The following UBL3 variants were observed in gnomAD, a reference collection of about 807,000 sequenced individuals.
UBL3 encodes ubiquitin like 3.
In UBL3, 6 loss-of-function variants were observed where a neutral mutation model predicts 18.4. That is an observed-to-expected ratio of 0.33 (90% CI 0.18 to 0.64). The LOEUF (loss-of-function observed/expected upper bound fraction) is 0.64, where lower values mean the gene tolerates loss of function less well. Among genes scored for constraint, UBL3 ranks in the 30% least tolerant of loss-of-function variants. The probability of loss-of-function intolerance (pLI) is 0.76; values close to 1 mark genes in which losing one functional copy is unlikely to be tolerated. For missense variants in UBL3, 109 were observed against 142.9 expected, an observed-to-expected ratio of 0.76 and a Z score of 1.21; for synonymous variants, 49 against 46.6, an observed-to-expected ratio of 1.05 and a Z score of -0.21.
intron 1 of UBL3, among the ~76,000 whole-genome samples, chr13:29,819,546 T>C (rs1878371710): frequency 6.6e-6 from 1 of 152,200 alleles, no homozygotes; most frequent in African/African-American, 2.4e-5. Flanking sequence ...TTTAATACAA[T>C]AAAGCAGTTA....
intron 1 of UBL3, among the ~76,000 whole-genome samples, chr13:29,817,352 T>C (rs1878308050): frequency 6.6e-6 from 1 of 152,204 alleles, no homozygotes; most frequent in African/African-American, 2.4e-5. Context: ...ATCTGATGGA[T>C]AAATGGGCAG....
At chr13:29,789,938 T>C (rs144345542) in intron 1 of UBL3, among the ~76,000 whole-genome samples, 4 of 152,344 alleles carry the variant, frequency 2.6e-5, no homozygotes, top group East Asian at 1.9e-4. Context: ...TACCCAGAGA[T>C]GGTCTTTAAT....
At chr13:29,848,314 A>G (rs278038) in intron 1 of UBL3, among the ~76,000 whole-genome samples, 127,316 of 140,780 alleles carry the variant, frequency 0.9, 57,722 homozygotes, top group East Asian at 0.97. Flanking sequence ...AAAATTAGCC[A>G]GGTGTGGTGG....
chr13:29,837,915 CAAT>C (rs373812724), intron 1 of UBL3, among the ~76,000 whole-genome samples: 46 of 141,486 alleles, frequency 3.3e-4, no homozygotes, highest in Non-Finnish European at 4.0e-4. Context: ...GACTCTGTCT[CAAT>C]AATAATAATA....
intron 1 of UBL3, 145 bp downstream of exon 1, chr13:29,849,367 C>A: frequency 9.5e-7 from 1 of 1,047,650 alleles, no homozygotes; most frequent in Middle Eastern, 2.1e-4. Flanking sequence ...AGGGGGAAAC[C>A]AGAAGCTCCA....
chr13:29,803,359 TA>T (rs763084481), intron 1 of UBL3, among the ~76,000 whole-genome samples: 3 of 151,922 alleles, frequency 2.0e-5, no homozygotes, highest in Non-Finnish European at 4.4e-5. Context: ...ACTGACACTA[TA>T]AAAGAATGAT....
intron 1 of UBL3, among the ~76,000 whole-genome samples, chr13:29,802,916 C>A (rs986600402): frequency 2.6e-5 from 4 of 152,158 alleles, no homozygotes; most frequent in Non-Finnish European, 5.9e-5. Context: ...CCCAACTTCA[C>A]TAAAGAGGCC....
chr13:29,789,343 T>C (rs1364198733), intron 1 of UBL3, among the ~76,000 whole-genome samples: 2 of 152,212 alleles, frequency 1.3e-5, no homozygotes, highest in Non-Finnish European at 2.9e-5. Context: ...TGGTACACTT[T>C]ATGTTATATG....
chr13:29,827,124 A>G (rs1280319116), intron 1 of UBL3, among the ~76,000 whole-genome samples: 2 of 152,190 alleles, frequency 1.3e-5, no homozygotes, highest in Admixed American at 6.5e-5. Flanking sequence ...CAATTTTGGA[A>G]TAAGTGCGAT....
At chr13:29,831,865 G>A (rs900872205) in intron 1 of UBL3, among the ~76,000 whole-genome samples, 6 of 152,030 alleles carry the variant, frequency 3.9e-5, no homozygotes, top group Non-Finnish European at 8.8e-5. Flanking sequence ...TCCACTGAAA[G>A]TATTATATAA....
chr13:29,812,319 T>C (rs1306260246), intron 1 of UBL3, among the ~76,000 whole-genome samples: 2 of 152,088 alleles, frequency 1.3e-5, no homozygotes, highest in African/African-American at 4.8e-5. Context: ...GTACAAAGCC[T>C]ACCTGCAAGA....
chr13:29,831,931 CATTAAA>C (rs1281406471), intron 1 of UBL3, among the ~76,000 whole-genome samples: 6 of 152,114 alleles, frequency 3.9e-5, no homozygotes, highest in African/African-American at 1.4e-4. Flanking sequence ...TAGATATTTT[CATTAAA>C]ATTAAACATA....
At chr13:29,835,102 ATATAAAT>A (rs1878894489) in intron 1 of UBL3, among the ~76,000 whole-genome samples, 1 of 28,826 alleles carries the variant, frequency 3.5e-5, no homozygotes, top group African/African-American at 3.1e-4. Flanking sequence ...ATATATATAT[ATATAAAT>A]ATATATATAT....
At chr13:29,797,580 AT>A (rs1877646321) in intron 1 of UBL3, among the ~76,000 whole-genome samples, 1 of 151,614 alleles carries the variant, frequency 6.6e-6, no homozygotes, top group African/African-American at 2.4e-5. Context: ...CTAATTTGAC[AT>A]TACATACATT....
chr13:29,804,248 A>T (rs1877845089), intron 1 of UBL3, among the ~76,000 whole-genome samples: 1 of 152,172 alleles, frequency 6.6e-6, no homozygotes, highest in South Asian at 2.1e-4. Context: ...TAAGGCAGAC[A>T]TCAAGAAATG....
chr13:29,780,215 A>G (rs1037145910), intron 1 of UBL3, among the ~76,000 whole-genome samples: 3 of 151,310 alleles, frequency 2.0e-5, no homozygotes, highest in South Asian at 2.1e-4. Context: ...TTAGCCAGGC[A>G]TGGTGGCGGG....
chr13:29,830,421 G>A (rs936043932), intron 1 of UBL3, among the ~76,000 whole-genome samples: 1 of 152,216 alleles, frequency 6.6e-6, no homozygotes, highest in Non-Finnish European at 1.5e-5. Flanking sequence ...AAGTCCCAAA[G>A]GAGTAAGGTA....
At chr13:29,835,138 ATATATATATAT>A (rs1878915246) in intron 1 of UBL3, among the ~76,000 whole-genome samples, 1 of 9,484 alleles carries the variant, frequency 1.1e-4, no homozygotes, top group Non-Finnish European at 1.9e-4. Context: ...ATATATATAT[ATATATATATAT>A]ATATATATAT....
intron 1 of UBL3, among the ~76,000 whole-genome samples, chr13:29,820,169 CTTTT>C (rs36050662): frequency 1.9e-5 from 2 of 104,966 alleles, no homozygotes; most frequent in African/African-American, 4.1e-5. Flanking sequence ...CTCAGAGTTC[CTTTT>C]TTTTTTTTTT....
Sources: allele counts gnomAD v4.1 joint callset (sites outside exome capture counted in the v4.1 genomes callset), GRCh38; gene constraint gnomAD v4.1.1; transcripts MANE v1.5; gene names NCBI Gene and HGNC (gene_info 2026-07-23, HGNC 2026-07-21).